Variants in D2HGDH observed in about 807,000 individuals in gnomAD.
The protein encoded by D2HGDH is D-2-hydroxyglutarate dehydrogenase, also known as D-2-hydroxyglutarate dehydrogenase, mitochondrial.
A neutral mutation model predicts 46.9 loss-of-function variants in D2HGDH; 31 were observed. The observed-to-expected ratio is 0.66, with a 90% CI of 0.50 to 0.89. The LOEUF is 0.89. D2HGDH is among the 40% of genes least tolerant of loss of function. The probability of loss-of-function intolerance (pLI) is 0.00; values close to 1 mark genes in which losing one functional copy is unlikely to be tolerated. For synonymous variants in D2HGDH, 364 were observed against 332.6 expected (o/e 1.09, Z -1.03); for missense variants, 698 against 720.8 (o/e 0.97, Z 0.36).
At position 241,742,304 on chromosome 2, in the gene D2HGDH, C is replaced by T. The variant is rs1276620282; in HGVS notation, c.351-131C>T. 8.0e-7 allele frequency: 1 copy of T among 1,256,928 alleles called. No homozygotes were observed. The highest frequency in any genetic ancestry group is 1.1e-6 in the Non-Finnish European group (1 of 911,224). 77.9% of individuals were successfully genotyped at this position (1,256,928 alleles called of 1,614,324 possible). ...TCACATGCGTGGGCTGGGGAGGAGC[C>T]CCCGCTGAGGCTGCAGGCAGGGCAG... On this transcript the variant is annotated intron_variant, in intron 3 of 9. Coordinates refer to ENST00000321264, the MANE Select transcript of D2HGDH (RefSeq NM_152783.5). This position sits in a 1 kb window ranked among gnomAD's most constrained non-coding sequence, Gnocchi z 4.8.
At chr2:241,758,366 C>T (rs1429301820) in intron 9 of D2HGDH, among the ~76,000 whole-genome samples, 1 of 152,154 alleles carries the variant, frequency 6.6e-6, no homozygotes, top group East Asian at 1.9e-4. Flanking sequence ...AGCTTTAGGA[C>T]TTTCAAGCTT....
At position 241,746,351 on chromosome 2, in the gene D2HGDH, A is replaced by G. The variant is rs534508673; in HGVS notation, c.853+1474A>G. On this transcript the variant is annotated intron_variant, in intron 6 of 9. Coordinates refer to ENST00000321264, the MANE Select transcript of D2HGDH (RefSeq NM_152783.5). The stretch of plus-strand genomic sequence containing the variant: ...CCTCCATGAGTGGTTCCCTCCGTCC[A>G]TTGAGTTTTACATTTTGATTATGAA... 1.3e-3 allele frequency among the ~76,000 whole-genome samples: 203 copies of G among 152,174 alleles called. 1 individual carries two copies. The highest frequency in any genetic ancestry group is 2.2e-3 in the Non-Finnish European group (150 of 68,018).
rs1371795825 is a variant in D2HGDH, at chr2:241,743,881, C to T, written c.684+66C>T. 17 of 1,528,738 alleles carry T rather than the reference C, an allele frequency of 1.1e-5. No homozygotes were observed. The highest frequency in any genetic ancestry group is 1.5e-5 in the Non-Finnish European group (17 of 1,129,518). 94.7% of individuals were successfully genotyped at this position (1,528,738 alleles called of 1,614,324 possible). A position where few individuals can be genotyped will look rare whatever the true frequency, so the allele number is the denominator to read the frequency against. On this transcript the variant is annotated intron_variant, in intron 5 of 9. Coordinates refer to ENST00000321264, the MANE Select transcript of D2HGDH (RefSeq NM_152783.5). The surrounding 1 kb of genome is among the most constrained non-coding windows in gnomAD (Gnocchi z 4.8). The stretch of plus-strand genomic sequence containing the variant: ...GTGTCCTCTCACGGCTCTCATGGGC[C>T]CACGTGGTGGCACAGGTGCATGGGG...
At chr2:241,753,846 G>T (rs1697699230) in intron 8 of D2HGDH, among the ~76,000 whole-genome samples, 1 of 152,228 alleles carries the variant, frequency 6.6e-6, no homozygotes, top group Non-Finnish European at 1.5e-5. Flanking sequence ...GAGAAGCCTT[G>T]CCCCATAAAC....
intron 1 of D2HGDH, 35 bp from the exon 2 acceptor site, chr2:241,735,098 G>C: frequency 2.0e-6 from 2 of 1,013,042 alleles, no homozygotes; most frequent in South Asian, 3.7e-5. Context: ...TGTACAACGT[G>C]CATAAAACAT....
At chr2:241,740,282 A>G (rs1694079933) in intron 2 of D2HGDH, among the ~76,000 whole-genome samples, 1 of 152,236 alleles carries the variant, frequency 6.6e-6, no homozygotes, top group African/African-American at 2.4e-5. Context: ...GGATGTCCAC[A>G]TAGTCTCAAG....
At chr2:241,739,811 A>G (rs1693942640) in intron 2 of D2HGDH, among the ~76,000 whole-genome samples, 1 of 152,206 alleles carries the variant, frequency 6.6e-6, no homozygotes, top group African/African-American at 2.4e-5. Context: ...CTACATAAAC[A>G]CGTCAGTGAG....
chr2:241,761,573 T>A (rs1698822410), intron 9 of D2HGDH, among the ~76,000 whole-genome samples: 13 of 152,142 alleles, frequency 8.5e-5, no homozygotes, highest in Admixed American at 8.5e-4. Flanking sequence ...TGTGTGTAGT[T>A]TATATGCAAA....
intron 8 of D2HGDH, chr2:241,755,080 A>C (rs1697944091): frequency 1.5e-6 from 2 of 1,303,718 alleles, no homozygotes; most frequent in Non-Finnish European, 2.0e-6. Context: ...AGCAAAAGCC[A>C]CGCAAACCAC....
Position 241,735,397 on chromosome 2 carries a change from C to T in D2HGDH, c.173C>T (p.Pro58Leu), listed in dbSNP as rs766891850. The change falls in exon 2 of 10, where the codon CCG becomes CTG. Residue 58 changes from proline to leucine, a missense_variant. Coordinates refer to ENST00000321264, the MANE Select transcript of D2HGDH (RefSeq NM_152783.5). ...GAGCGCTACCCCGTGCGGCGCTTGCCGTTCTCCACGGTGTCTAAGCAGGAC... is the reference window on the plus strand; with the variant it reads ...GAGCGCTACCCCGTGCGGCGCTTGCTGTTCTCCACGGTGTCTAAGCAGGAC... ...TRERYPVRRL[P>L]FSTVSKQDLA... 1 of 1,598,480 alleles carries T rather than the reference C, an allele frequency of 6.3e-7. No individual in the cohort carries two copies. Among genetic ancestry groups the T allele is most frequent in the Non-Finnish European group, 8.5e-7 (1 of 1,175,658 alleles).
Position 241,742,293 on chromosome 2 carries a change from TG to T in D2HGDH, c.351-138del. 8.8e-7 allele frequency: 1 copy of T among 1,135,924 alleles called. No individual in the cohort carries two copies. The highest frequency in any genetic ancestry group is 1.2e-6 in the Non-Finnish European group (1 of 803,466). The allele number at this position is 1,135,924 out of a possible 1,614,324, so 70.4% of individuals were successfully genotyped here. On this transcript the variant is annotated intron_variant, in intron 3 of 9. Transcript: ENST00000321264. The surrounding 1 kb of genome is among the most constrained non-coding windows in gnomAD (Gnocchi z 4.8). ...CTCAGAATCCCTCACATGCGTGGGC[TG>T]GGGAGGAGCCCCCGCTGAGGCTGCA... is the stretch of plus-strand genomic sequence containing the variant.
In D2HGDH at chr2:241,767,694, G is replaced by C; in HGVS notation, c.1307-16G>C. 6.2e-7 allele frequency: 1 copy of C among 1,612,530 alleles called. No individual in the cohort carries two copies. The highest frequency in any genetic ancestry group is 8.5e-7 in the Non-Finnish European group (1 of 1,179,478). On this transcript the variant is annotated splice_polypyrimidine_tract_variant and intron_variant, in intron 9 of 9. Coordinates refer to ENST00000321264, the MANE Select transcript of D2HGDH (RefSeq NM_152783.5). Reference sequence around the variant, plus strand: ...CTGCCCTGCCCAGCCTGACCCATGTGCCCTTGTCCCTCCAGGAGATGGTAA... The same window carrying C: ...CTGCCCTGCCCAGCCTGACCCATGTCCCCTTGTCCCTCCAGGAGATGGTAA...
chr2:241,760,682 A>C (rs113529978), intron 9 of D2HGDH, among the ~76,000 whole-genome samples: 174 of 121,744 alleles, frequency 1.4e-3, no homozygotes, highest in Middle Eastern at 0.013. Flanking sequence ...AAGGACTTCG[A>C]CACAGCGTGG....
chr2:241,744,083 C>T (rs531007510), intron 5 of D2HGDH, among the ~76,000 whole-genome samples: 27 of 152,288 alleles, frequency 1.8e-4, no homozygotes, highest in African/African-American at 4.8e-4. Context: ...GACACCGCCC[C>T]GGCAGTGGTG....
chr2:241,741,339 C>A (rs1050718951), intron 3 of D2HGDH, among the ~76,000 whole-genome samples: 27 of 152,364 alleles, frequency 1.8e-4, no homozygotes, highest in African/African-American at 5.1e-4. Context: ...AAGCTCCTCC[C>A]CCATGAACAC....
chr2:241,734,653 C>A lies in D2HGDH; in HGVS notation c.-135C>A, dbSNP rs557321808. On this transcript the variant is annotated 5_prime_UTR_variant, in exon 1 of 10. The change creates a new upstream start codon in the 5' untranslated region. Transcript: ENST00000321264. ...CCACTCCGGCTCGGCGGCTCTGGGC[C>A]TGCGGCGGGCGCTGCGGGTTGGAGC... is the stretch of plus-strand genomic sequence containing the variant. 4 of 151,524 alleles carry A rather than the reference C, an allele frequency of 2.6e-5. No homozygotes were observed. The highest frequency in any genetic ancestry group is 2.1e-4 in the South Asian group (1 of 4,838). The allele number at this position is 151,524 out of a possible 1,614,324, so 9.4% of individuals were successfully genotyped here.
intron 2 of D2HGDH, among the ~76,000 whole-genome samples, chr2:241,738,003 A>G (rs1017642070): frequency 6.6e-6 from 1 of 152,212 alleles, no homozygotes; most frequent in Non-Finnish European, 1.5e-5. Flanking sequence ...AGTGCAGCGT[A>G]TGTTAAAACA....
In D2HGDH at chr2:241,735,163, C is replaced by T. The variant is rs1036133988; in HGVS notation, c.-62C>T. 127 of 1,437,090 alleles carry T rather than the reference C, an allele frequency of 8.8e-5. No individual in the cohort carries two copies. Among genetic ancestry groups the T allele is most frequent in the Non-Finnish European group, 1.1e-4 (121 of 1,105,816 alleles). The allele number at this position is 1,437,090 out of a possible 1,614,324, so 89.0% of individuals were successfully genotyped here. A position where few individuals can be genotyped will look rare whatever the true frequency, so the allele number is the denominator to read the frequency against. On this transcript the variant is annotated 5_prime_UTR_variant, in exon 2 of 10. Coordinates refer to ENST00000321264, the MANE Select transcript of D2HGDH (RefSeq NM_152783.5). Reference sequence around the variant, plus strand: ...CAGCCAGCGGCTCCCTGCCCTTCCCCTCCGGGCCCTGAGTACCGGCCCCCC... The same window carrying T: ...CAGCCAGCGGCTCCCTGCCCTTCCCTTCCGGGCCCTGAGTACCGGCCCCCC...
chr2:241,747,836 T>C (rs1361362131), intron 6 of D2HGDH, among the ~76,000 whole-genome samples: 1 of 152,150 alleles, frequency 6.6e-6, no homozygotes, highest in African/African-American at 2.4e-5. Flanking sequence ...GTGCTGGGGC[T>C]ACAGGCATGA....
Sources: gnomAD v4.1 joint callset for allele counts (sites outside exome capture counted in the v4.1 genomes callset) on GRCh38, gnomAD v4.1.1 for gene constraint, Gnocchi (gnomAD v3.1) non-coding constraint, MANE v1.5 for transcripts, NCBI Gene and HGNC (gene_info 2026-07-23, HGNC 2026-07-21) for gene names.